RSU1: variants seen among roughly 807,000 people sequenced by gnomAD.
RSU1 encodes the protein rsu-1.
Under a neutral mutation model 31.1 loss-of-function variants are expected in RSU1, and 26 were observed. That is an observed-to-expected ratio of 0.84 (90% CI 0.61 to 1.16). RSU1 has a LOEUF of 1.16. Among genes scored for constraint, RSU1 ranks in the 50% most tolerant of loss-of-function variants. RSU1 has a pLI of 0.00. For synonymous variants in RSU1, 164 were observed against 136.3 expected, an observed-to-expected ratio of 1.20 and a Z score of -1.41; for missense variants, 320 against 339.1, an observed-to-expected ratio of 0.94 and a Z score of 0.44.
At chr10:16,669,567 C>A (rs1835069230) in intron 8 of RSU1, among the ~76,000 whole-genome samples, 1 of 152,096 alleles carries the variant, frequency 6.6e-6, no homozygotes, top group Non-Finnish European at 1.5e-5. Flanking sequence ...ACAAAAGCTG[C>A]CATTTCTTCA....
chr10:16,803,515 G>A (rs571206585), intron 2 of RSU1, among the ~76,000 whole-genome samples: 1 of 152,248 alleles, frequency 6.6e-6, no homozygotes, highest in South Asian at 2.1e-4. Flanking sequence ...TACATGGAAA[G>A]GCAGAACAGC....
At chr10:16,703,504 C>T (rs2087041309) in intron 7 of RSU1, among the ~76,000 whole-genome samples, 1 of 152,210 alleles carries the variant, frequency 6.6e-6, no homozygotes, top group Middle Eastern at 3.2e-3. Flanking sequence ...AGATTTTCAA[C>T]TGAGTGTTGC....
In RSU1 at chr10:16,752,943, A is replaced by G. The variant is rs1167620712; in HGVS notation, c.458T>C (p.Ile153Thr). 15 of 1,613,900 alleles carry G rather than the reference A, an allele frequency of 9.3e-6. No homozygotes were observed. The highest frequency in any genetic ancestry group is 1.7e-5 in the Admixed American group (1 of 59,996). ...TATCTGCAACTTTGTGAGCTTCCCAATATCTGGCGGCAGGATTTCAAAATC... is the reference window on the plus strand; with the variant it reads ...TATCTGCAACTTTGTGAGCTTCCCAGTATCTGGCGGCAGGATTTCAAAATC... ...DNDFEILPPD[I>T]GKLTKLQILS... Residue 153 changes from isoleucine to threonine, a missense_variant, in exon 6 of 9, where the codon ATT becomes ACT. Transcript: ENST00000345264.
chr10:16,600,142 G>A (rs1013386943), intron 8 of RSU1, among the ~76,000 whole-genome samples: 1 of 152,186 alleles, frequency 6.6e-6, no homozygotes. Context: ...TGTCACTGAA[G>A]ATGGTTTCAA....
intron 8 of RSU1, among the ~76,000 whole-genome samples, chr10:16,652,925 T>C (rs972864610): frequency 6.6e-6 from 1 of 151,986 alleles, no homozygotes; most frequent in Non-Finnish European, 1.5e-5. Context: ...GTGATCTGCT[T>C]GCCTCAGCCT....
At chr10:16,668,071 G>C (rs1383142579) in intron 8 of RSU1, among the ~76,000 whole-genome samples, 2 of 152,162 alleles carry the variant, frequency 1.3e-5, no homozygotes, top group Non-Finnish European at 2.9e-5. Context: ...AAATGCTTGG[G>C]TTTCAATTCT....
intron 7 of RSU1, among the ~76,000 whole-genome samples, chr10:16,698,227 C>G (rs971503802): frequency 6.6e-6 from 1 of 151,944 alleles, no homozygotes; most frequent in African/African-American, 2.4e-5. Context: ...GGAAGAGACT[C>G]CTCTTTTCTA....
At chr10:16,735,471 T>C (rs999763867) in intron 7 of RSU1, among the ~76,000 whole-genome samples, 10 of 152,212 alleles carry the variant, frequency 6.6e-5, no homozygotes, top group African/African-American at 2.4e-4. Context: ...ATCCAGACTT[T>C]TGCTTCTGGC....
chr10:16,787,479 G>C (rs1009462937), intron 2 of RSU1, among the ~76,000 whole-genome samples: 4 of 152,054 alleles, frequency 2.6e-5, no homozygotes, highest in African/African-American at 9.7e-5. Flanking sequence ...GGCCACCCCT[G>C]AACGCCTCTG....
chr10:16,775,376 C>T (rs775637895), intron 3 of RSU1, among the ~76,000 whole-genome samples: 7 of 152,128 alleles, frequency 4.6e-5, no homozygotes, highest in East Asian at 3.9e-4. Flanking sequence ...GAAGTTCTCA[C>T]GATTGGGGTG....
chr10:16,608,909 T>C (rs1425868625), intron 8 of RSU1, among the ~76,000 whole-genome samples: 1 of 152,188 alleles, frequency 6.6e-6, no homozygotes, highest in Admixed American at 6.5e-5. Context: ...CATAGCTCAC[T>C]GCAGCCTCAA....
rs545151225 is a variant in RSU1, at chr10:16,771,692, C to T, written c.161-7182G>A. Among the ~76,000 whole-genome samples the T allele has an allele frequency of 3.3e-5, 5 of 152,278 alleles. No homozygotes were observed. The South Asian group carries it at 1.0e-3, about 32-fold the overall frequency. On this transcript the variant is annotated intron_variant, in intron 3 of 8. Transcript: ENST00000345264. Reference sequence around the variant, plus strand: ...AAGGTGGACAATAATGAACTAATTACATATTACCACAAGACTCTGATGTTC... The same window carrying T: ...AAGGTGGACAATAATGAACTAATTATATATTACCACAAGACTCTGATGTTC...
chr10:16,681,230 A>G (rs1835323272), intron 8 of RSU1, among the ~76,000 whole-genome samples: 1 of 152,220 alleles, frequency 6.6e-6, no homozygotes, highest in African/African-American at 2.4e-5. Flanking sequence ...ACTTTCTCTA[A>G]CCTATTAAGA....
intron 3 of RSU1, among the ~76,000 whole-genome samples, chr10:16,780,087 A>G (rs1252597787): frequency 6.6e-6 from 1 of 152,236 alleles, no homozygotes; most frequent in Non-Finnish European, 1.5e-5. Flanking sequence ...AACTCCACAT[A>G]TAAATATGCT....
At chr10:16,693,164 G>T (rs1835598413) in intron 8 of RSU1, among the ~76,000 whole-genome samples, 1 of 152,112 alleles carries the variant, frequency 6.6e-6, no homozygotes, top group Admixed American at 6.6e-5. Context: ...TGTTGGCCAG[G>T]CTGATCTCAA....
intron 7 of RSU1, among the ~76,000 whole-genome samples, chr10:16,734,239 T>C (rs1331648997): frequency 1.3e-5 from 2 of 152,246 alleles, no homozygotes; most frequent in Non-Finnish European, 2.9e-5. Context: ...CATCTACCAC[T>C]ACATCCTATG....
intron 8 of RSU1, among the ~76,000 whole-genome samples, chr10:16,617,224 T>G (rs1272039582): frequency 6.6e-6 from 1 of 152,128 alleles, no homozygotes; most frequent in Non-Finnish European, 1.5e-5. Flanking sequence ...ATGAGTGAGC[T>G]CCCATTCACA....
At chr10:16,632,191 AT>A (rs1419844816) in intron 8 of RSU1, among the ~76,000 whole-genome samples, 1 of 152,156 alleles carries the variant, frequency 6.6e-6, no homozygotes, top group Non-Finnish European at 1.5e-5. Flanking sequence ...CAAAAAAAAT[AT>A]TTTTGGTCTT....
At chr10:16,615,130 G>T (rs1024948344) in intron 8 of RSU1, among the ~76,000 whole-genome samples, 9 of 151,902 alleles carry the variant, frequency 5.9e-5, no homozygotes, top group African/African-American at 1.7e-4. Context: ...GCTGTATTCA[G>T]GAGACCCATC....
Sources: allele counts gnomAD v4.1 joint callset (sites outside exome capture counted in the v4.1 genomes callset), GRCh38; gene constraint gnomAD v4.1.1; transcripts MANE v1.5; gene names NCBI Gene and HGNC (gene_info 2026-07-23, HGNC 2026-07-21).